Variants in GPR158 observed in about 807,000 individuals in gnomAD.
GPR158 encodes the protein metabotropic glycine receptor.
Under a neutral mutation model 78.2 loss-of-function variants are expected in GPR158, and 30 were observed. The observed-to-expected ratio is 0.38, with a 90% CI of 0.29 to 0.52. GPR158 has a LOEUF of 0.52. Among genes scored for constraint, GPR158 ranks in the 20% least tolerant of loss-of-function variants. The pLI, the probability that GPR158 is intolerant of heterozygous loss-of-function variation, is 0.83. For synonymous variants in GPR158, 581 were observed against 591.1 expected (o/e 0.98, Z 0.25); for missense variants, 1,463 against 1,523.5 (o/e 0.96, Z 0.66).
intron 2 of GPR158, among the ~76,000 whole-genome samples, chr10:25,303,187 G>A (rs1343157300): frequency 6.6e-6 from 1 of 152,150 alleles, no homozygotes; most frequent in African/African-American, 2.4e-5. Flanking sequence ...TGCTAGCCAC[G>A]TGTAGCTATA....
chr10:25,196,419 C>T lies in GPR158; in HGVS notation c.902+20097C>T, dbSNP rs190174630. On this transcript the variant is annotated intron_variant, in intron 1 of 10. Coordinates refer to ENST00000376351, the MANE Select transcript of GPR158 (RefSeq NM_020752.3). ...AAATATCTATAAAGTCTCTTTTGTT[C>T]CCTGAATTATTGTTGTTCCAACTTC... Among the ~76,000 whole-genome samples, 232 of 152,122 alleles carry T rather than the reference C, an allele frequency of 1.5e-3. 2 individuals carry two copies. The highest frequency in any genetic ancestry group is 5.5e-3 in the African/African-American group (227 of 41,508).
intron 1 of GPR158, among the ~76,000 whole-genome samples, chr10:25,215,534 A>G (rs1347941035): frequency 6.6e-6 from 1 of 152,244 alleles, no homozygotes. Context: ...ATTTTACCAC[A>G]ATTAAAAAGC....
At position 25,599,498 on chromosome 10, in the gene GPR158, T is replaced by A. The variant is rs1385872816; in HGVS notation, c.*224T>A. On this transcript the variant is annotated 3_prime_UTR_variant, in exon 11 of 11. Coordinates refer to ENST00000376351, the MANE Select transcript of GPR158 (RefSeq NM_020752.3). Reference sequence around the variant, plus strand: ...AAGAAAGTCCTTCCCTTGGTAACACTAGGAAAATCTTTCCATTTCAGCATG... The same window carrying A: ...AAGAAAGTCCTTCCCTTGGTAACACAAGGAAAATCTTTCCATTTCAGCATG... 1 of 521,338 alleles carries A rather than the reference T, an allele frequency of 1.9e-6. No homozygotes were observed. The highest frequency in any genetic ancestry group is 1.9e-5 in the African/African-American group (1 of 52,326). The allele number at this position is 521,338 out of a possible 1,614,324, so 32.3% of individuals were successfully genotyped here.
chr10:25,513,375 T>A (rs762531498), intron 5 of GPR158, among the ~76,000 whole-genome samples: 2 of 152,030 alleles, frequency 1.3e-5, no homozygotes, highest in Non-Finnish European at 2.9e-5. Flanking sequence ...TCAGTTGTAA[T>A]ATCTTTCATT....
chr10:25,253,568 A>G (rs1487623959), intron 2 of GPR158, among the ~76,000 whole-genome samples: 1 of 152,238 alleles, frequency 6.6e-6, no homozygotes, highest in Non-Finnish European at 1.5e-5. Context: ...CTTCTTTGAC[A>G]CAGGCAGAAT....
chr10:25,519,903 G>A (rs1314207458), intron 5 of GPR158, among the ~76,000 whole-genome samples: 4 of 57,650 alleles, frequency 6.9e-5, no homozygotes, highest in Non-Finnish European at 9.1e-5. Context: ...TGTATTTCCT[G>A]AATCTGAACG....
chr10:25,347,817 G>A (rs187224908), intron 2 of GPR158, among the ~76,000 whole-genome samples: 16 of 151,906 alleles, frequency 1.1e-4, no homozygotes, highest in Admixed American at 2.6e-4. Context: ...TTTTATAGTC[G>A]GAGAAGCTAC....
intron 2 of GPR158, among the ~76,000 whole-genome samples, chr10:25,238,572 C>T (rs1853560838): frequency 6.6e-6 from 1 of 152,098 alleles, no homozygotes. Flanking sequence ...TATGATAACT[C>T]TGTGACTCCA....
At chr10:25,583,866 G>T (rs1347642862) in intron 7 of GPR158, among the ~76,000 whole-genome samples, 5 of 152,208 alleles carry the variant, frequency 3.3e-5, no homozygotes, top group Non-Finnish European at 1.5e-5. Context: ...GTAAATCAGA[G>T]TACCACAGCT....
rs1236234756 is a variant in GPR158, at chr10:25,599,558, CA to C, written c.*286del. ...AATAGCCCACAATGTCTGCCCTGAT[CA>C]ATATGTATCCATGGGACTTTGAAGA... On this transcript the variant is annotated 3_prime_UTR_variant, in exon 11 of 11. Transcript: ENST00000376351. The C allele has an allele frequency of 2.9e-6, 1 of 347,518 alleles. No individual in the cohort carries two copies. The highest frequency in any genetic ancestry group is 2.1e-5 in the African/African-American group (1 of 47,786). The allele number at this position is 347,518 out of a possible 1,614,324, so 21.5% of individuals were successfully genotyped here. A position where few individuals can be genotyped will look rare whatever the true frequency, so the allele number is the denominator to read the frequency against.
chr10:25,488,189 G>A (rs1847859890), intron 5 of GPR158, among the ~76,000 whole-genome samples: 1 of 152,050 alleles, frequency 6.6e-6, no homozygotes, highest in African/African-American at 2.4e-5. Context: ...TCCAACCATT[G>A]CATCTTTATC....
chr10:25,261,894 A>C (rs1390995338), intron 2 of GPR158, among the ~76,000 whole-genome samples: 1 of 152,166 alleles, frequency 6.6e-6, no homozygotes, highest in Non-Finnish European at 1.5e-5. Context: ...CAGTATGTTA[A>C]TTGACCATAA....
At chr10:25,396,335 G>A (rs1834362328) in intron 3 of GPR158, among the ~76,000 whole-genome samples, 1 of 152,142 alleles carries the variant, frequency 6.6e-6, no homozygotes, top group African/African-American at 2.4e-5. Flanking sequence ...AACTAATTTT[G>A]TCAGTTTATT....
At chr10:25,392,095 A>G (rs1031381501) in intron 2 of GPR158, among the ~76,000 whole-genome samples, 6 of 152,136 alleles carry the variant, frequency 3.9e-5, no homozygotes, top group Non-Finnish European at 8.8e-5. Flanking sequence ...GCCATGTGGA[A>G]CTGTGAGTCA....
At chr10:25,344,296 T>C (rs1333411288) in intron 2 of GPR158, among the ~76,000 whole-genome samples, 1 of 151,918 alleles carries the variant, frequency 6.6e-6, no homozygotes, top group East Asian at 1.9e-4. Flanking sequence ...AAAATATATA[T>C]TTATGGTGTA....
At chr10:25,254,311 G>A (rs1320451841) in intron 2 of GPR158, among the ~76,000 whole-genome samples, 2 of 152,088 alleles carry the variant, frequency 1.3e-5, no homozygotes, top group African/African-American at 4.8e-5. Context: ...AAATAGATTT[G>A]CAAAACCACA....
At chr10:25,591,842 A>C (rs939615709) in intron 8 of GPR158, among the ~76,000 whole-genome samples, 11 of 152,106 alleles carry the variant, frequency 7.2e-5, no homozygotes, top group African/African-American at 2.7e-4. Flanking sequence ...TTATATGGCT[A>C]TAAAGGATGA....
intron 2 of GPR158, among the ~76,000 whole-genome samples, chr10:25,325,638 T>G (rs1179303993): frequency 6.6e-6 from 1 of 152,194 alleles, no homozygotes. Flanking sequence ...AGAAGTGAGA[T>G]TACTGGATCA....
intron 2 of GPR158, among the ~76,000 whole-genome samples, chr10:25,373,846 T>C (rs1213510924): frequency 6.6e-6 from 1 of 151,846 alleles, no homozygotes; most frequent in Non-Finnish European, 1.5e-5. Context: ...TTTAGTCCAC[T>C]GTATATTCAA....
Sources: allele counts gnomAD v4.1 joint callset (sites outside exome capture counted in the v4.1 genomes callset), GRCh38; gene constraint gnomAD v4.1.1; transcripts MANE v1.5; gene names NCBI Gene and HGNC (gene_info 2026-07-23, HGNC 2026-07-21).